PEAK1: variants seen among roughly 807,000 people sequenced by gnomAD.
The protein encoded by PEAK1 is inactive tyrosine-protein kinase PEAK1.
PEAK1 carries 54 observed loss-of-function variants against 124.7 expected under a neutral mutation model. The observed-to-expected ratio is 0.43, with a 90% CI of 0.35 to 0.54. The LOEUF is 0.54. Among genes scored for constraint, PEAK1 ranks in the 20% least tolerant of loss-of-function variants. The pLI, the probability that PEAK1 is intolerant of heterozygous loss-of-function variation, is 0.01. For missense variants in PEAK1, 2,046 were observed against 2,134.5 expected (o/e 0.96, Z 0.82); for synonymous variants, 719 against 760.0 (o/e 0.95, Z 0.89).
At chr15:77,127,573 C>T (rs1418452979) in intron 9 of PEAK1, among the ~76,000 whole-genome samples, 1 of 152,090 alleles carries the variant, frequency 6.6e-6, no homozygotes, top group Non-Finnish European at 1.5e-5. Context: ...CTTGTCATAA[C>T]GTGGCAAAGA....
chr15:77,124,964 A>T (rs1328762795), intron 9 of PEAK1, among the ~76,000 whole-genome samples: 2 of 152,176 alleles, frequency 1.3e-5, no homozygotes, highest in East Asian at 3.8e-4. Context: ...ATCTCTGCAT[A>T]CCACTCTGAA....
At chr15:77,419,319 C>G in intron 1 of PEAK1, 1 of 985,116 alleles carries the variant, frequency 1.0e-6, no homozygotes, top group Non-Finnish European at 1.2e-6. Flanking sequence ...AGGGGGCAGA[C>G]GCGGTTCAGA....
chr15:77,181,047 T>C lies in PEAK1; in HGVS notation c.880A>G (p.Ile294Val), dbSNP rs775601539. The part of the protein sequence containing the change: ...RFFVDKKWNT[I>V]PLRNKSLQRI... ...TGCAGAGACTTGTTTCGCAGGGGGA[T>C]GGTATTCCATTTTTTGTCCACAAAG... The change falls in exon 7 of 10, where the codon ATC (isoleucine) becomes GTC (valine). Residue 294 changes from isoleucine to valine, a missense_variant. Ile to Val is a conservative substitution (Grantham distance 29). Coordinates refer to ENST00000682557, the MANE Select transcript of PEAK1 (RefSeq NM_001385026.1). The C allele has an allele frequency of 6.8e-6, 11 of 1,614,190 alleles. No homozygotes were observed. The highest frequency in any genetic ancestry group is 7.6e-6 in the Non-Finnish European group (9 of 1,180,008).
intron 9 of PEAK1, among the ~76,000 whole-genome samples, chr15:77,125,173 T>C (rs775097666): frequency 6.6e-6 from 1 of 152,178 alleles, no homozygotes; most frequent in Non-Finnish European, 1.5e-5. Context: ...GGACATGATA[T>C]TATAATAGAT....
intron 7 of PEAK1, chr15:77,177,693 T>G (rs367908600): frequency 6.6e-6 from 1 of 152,078 alleles, no homozygotes; most frequent in Non-Finnish European, 1.5e-5. Flanking sequence ...AGGGCATATC[T>G]TTAAGAATAA....
rs564907857 is a variant in PEAK1, at chr15:77,361,767, T to G, written c.-603+3396A>C. Among the ~76,000 whole-genome samples the G allele has an allele frequency of 5.3e-5, 8 of 152,210 alleles. No homozygotes were observed. In the East Asian group the frequency reaches 1.2e-3, roughly 22 times the overall value. On this transcript the variant is annotated intron_variant, in intron 2 of 9. Coordinates refer to ENST00000682557, the MANE Select transcript of PEAK1 (RefSeq NM_001385026.1). ...GACTATCATTATATCAAAGAGACAT[T>G]TGCACCTCCGTGTTTACTGTAGCAC... is the stretch of plus-strand genomic sequence containing the variant.
At chr15:77,279,102 TGC>T (rs1491412326) in intron 5 of PEAK1, among the ~76,000 whole-genome samples, 1,083 of 85,126 alleles carry the variant, frequency 0.013, 10 homozygotes, top group Non-Finnish European at 0.023. Flanking sequence ...TGCTCGTGTG[TGC>T]GTGTGTGTGT....
chr15:77,287,568 C>T (rs951228958), intron 2 of PEAK1, among the ~76,000 whole-genome samples: 3 of 152,064 alleles, frequency 2.0e-5, no homozygotes, highest in Admixed American at 2.0e-4. Context: ...TTTTGGGTTC[C>T]TCTTTTTCCC....
chr15:77,294,958 C>T (rs892669946), intron 2 of PEAK1, among the ~76,000 whole-genome samples: 1 of 152,076 alleles, frequency 6.6e-6, no homozygotes, highest in African/African-American at 2.4e-5. Context: ...TGGGTTAATA[C>T]AGAACAGTTG....
At chr15:77,389,206 T>C (rs912111438) in intron 1 of PEAK1, among the ~76,000 whole-genome samples, 7 of 152,192 alleles carry the variant, frequency 4.6e-5, no homozygotes, top group African/African-American at 1.7e-4. Context: ...TCTCCTGTCT[T>C]GGTCTCCCAA....
At chr15:77,396,159 T>G (rs1347047149) in intron 1 of PEAK1, among the ~76,000 whole-genome samples, 1 of 152,046 alleles carries the variant, frequency 6.6e-6, no homozygotes, top group East Asian at 1.9e-4. Flanking sequence ...AATGGGTTAT[T>G]TAAAACCCAT....
intron 6 of PEAK1, among the ~76,000 whole-genome samples, chr15:77,194,596 T>C (rs954892007): frequency 1.3e-5 from 2 of 152,186 alleles, no homozygotes; most frequent in Non-Finnish European, 2.9e-5. Flanking sequence ...TCCCATCATA[T>C]GGCTTTTGCA....
intron 1 of PEAK1, chr15:77,419,549 T>C (rs1324306906): frequency 4.8e-5 from 47 of 984,830 alleles, no homozygotes; most frequent in Non-Finnish European, 5.5e-5. Context: ...TGCTCCCGGG[T>C]GCGGGAGCGG....
At chr15:77,225,715 G>C (rs1318349857) in intron 6 of PEAK1, among the ~76,000 whole-genome samples, 1 of 110,428 alleles carries the variant, frequency 9.1e-6, no homozygotes, top group Non-Finnish European at 1.9e-5. Context: ...CTAGAAAGAA[G>C]TAGAAAGGGT....
chr15:77,230,293 C>T (rs948267834), intron 6 of PEAK1, among the ~76,000 whole-genome samples: 14 of 151,594 alleles, frequency 9.2e-5, no homozygotes, highest in Non-Finnish European at 1.3e-4. Flanking sequence ...TCCACCACAG[C>T]TGTTCAAGTG....
Position 77,138,962 on chromosome 15 carries a change from G to A in PEAK1, c.3332-5212C>T, listed in dbSNP as rs151087871. ...TTTTATAAACTTTTTTGTTAAAAACGAAGACACAAACACACATATTACTAG... is the reference window on the plus strand; with the variant it reads ...TTTTATAAACTTTTTTGTTAAAAACAAAGACACAAACACACATATTACTAG... On this transcript the variant is annotated intron_variant, in intron 8 of 9. Coordinates refer to ENST00000682557, the MANE Select transcript of PEAK1 (RefSeq NM_001385026.1). 5.2e-3 allele frequency among the ~76,000 whole-genome samples: 789 copies of A among 150,512 alleles called. 5 individuals are homozygous for A. The highest frequency in any genetic ancestry group is 0.017 in the African/African-American group (682 of 40,884).
intron 6 of PEAK1, among the ~76,000 whole-genome samples, chr15:77,244,921 T>G (rs963008577): frequency 2.0e-5 from 3 of 152,176 alleles, no homozygotes; most frequent in African/African-American, 7.2e-5. Context: ...GTTATGTGAA[T>G]TGTAAGGTGC....
intron 1 of PEAK1, among the ~76,000 whole-genome samples, chr15:77,377,959 T>C (rs1043101855): frequency 6.6e-6 from 1 of 152,110 alleles, no homozygotes; most frequent in Non-Finnish European, 1.5e-5. Flanking sequence ...CTTACTGAGC[T>C]TGGACATGTA....
intron 6 of PEAK1, among the ~76,000 whole-genome samples, chr15:77,205,873 T>C (rs560558481): frequency 5.4e-4 from 81 of 151,056 alleles, no homozygotes; most frequent in Middle Eastern, 3.2e-3. Flanking sequence ...ATGTGCACAT[T>C]GTGCAGGTTA....
Sources: gnomAD v4.1 joint callset for allele counts (sites outside exome capture counted in the v4.1 genomes callset) on GRCh38, gnomAD v4.1.1 for gene constraint, MANE v1.5 for transcripts, NCBI Gene and HGNC (gene_info 2026-07-23, HGNC 2026-07-21) for gene names.